Variants in ABL1 observed in about 807,000 individuals in gnomAD.
ABL1 encodes tyrosine-protein kinase ABL1.
In ABL1, 11 loss-of-function variants were observed where a neutral mutation model predicts 94.7. That is an observed-to-expected ratio of 0.12 (90% CI 0.07 to 0.19). The LOEUF is 0.19. Among genes scored for constraint, ABL1 ranks in the 10% least tolerant of loss-of-function variants. The probability of loss-of-function intolerance (pLI) is 1.00; values close to 1 mark genes in which losing one functional copy is unlikely to be tolerated. For missense variants in ABL1, 1,082 were observed against 1,489.4 expected (o/e 0.73, Z 4.50); for synonymous variants, 656 against 622.4 (o/e 1.05, Z -0.80).
At chr9:130,746,794 A>C (rs533860214) in intron 1 of ABL1, among the ~76,000 whole-genome samples, 1 of 151,938 alleles carries the variant, frequency 6.6e-6, no homozygotes, top group Non-Finnish European at 1.5e-5. Flanking sequence ...CTTAGCATAT[A>C]CTCTTCCTCT....
intron 1 of ABL1, among the ~76,000 whole-genome samples, chr9:130,736,977 A>G (rs1831752426): frequency 6.6e-6 from 1 of 152,158 alleles, no homozygotes; most frequent in African/African-American, 2.4e-5. Context: ...GAACTGCCCT[A>G]TTCCAAGCTC....
intron 1 of ABL1, among the ~76,000 whole-genome samples, chr9:130,816,813 C>A (rs1306433728): frequency 6.6e-6 from 1 of 152,222 alleles, no homozygotes; most frequent in East Asian, 1.9e-4. Flanking sequence ...AAGCGATTCT[C>A]CTGCCTCAGC....
chr9:130,868,772 G>A (rs1482730330), intron 4 of ABL1, among the ~76,000 whole-genome samples: 2 of 151,752 alleles, frequency 1.3e-5, no homozygotes, highest in South Asian at 2.1e-4. Context: ...TGCCTGTCTC[G>A]GCCCCCCAGA....
rs188757830 is a variant in ABL1, at chr9:130,761,288, C to A, written c.136+46833C>A. ...GGCCTATTTCCTCCCCTTTTTATGA[C>A]CATTCACAGCCTTTGGCATACCATT... On this transcript the variant is annotated intron_variant, in intron 1 of 10. Transcript: ENST00000372348. Among the ~76,000 whole-genome samples the A allele has an allele frequency of 4.6e-5, 7 of 152,182 alleles. No homozygotes were observed. In the East Asian group the frequency reaches 1.4e-3, roughly 29 times the overall value.
chr9:130,829,511 G>T (rs915550979), intron 1 of ABL1, among the ~76,000 whole-genome samples: 1 of 151,482 alleles, frequency 6.6e-6, no homozygotes, highest in African/African-American at 2.4e-5. Flanking sequence ...CTTGCAGTGG[G>T]CGGAGATCGC....
At position 130,840,410 on chromosome 9, in the gene ABL1, C is replaced by T. The variant is rs146813901; in HGVS notation, c.79+4885C>T. On this transcript the variant is annotated intron_variant, in intron 1 of 10. Coordinates refer to ENST00000318560, the MANE Select transcript of ABL1 (RefSeq NM_005157.6). Reference sequence around the variant, plus strand: ...GAGACAATATTTCCACAGCCTCAAACGTGAAAACTGAAAATCTGGTGCCAC... The same window carrying T: ...GAGACAATATTTCCACAGCCTCAAATGTGAAAACTGAAAATCTGGTGCCAC... Among the ~76,000 whole-genome samples the T allele has an allele frequency of 4.7e-3, 717 of 152,258 alleles. 5 individuals carry two copies. Among genetic ancestry groups the T allele is most frequent in the African/African-American group, 0.017 (687 of 41,550 alleles).
chr9:130,859,887 G>A (rs774980471), intron 3 of ABL1, among the ~76,000 whole-genome samples: 13 of 151,812 alleles, frequency 8.6e-5, no homozygotes, highest in Non-Finnish European at 1.6e-4. Context: ...CACCATGTTG[G>A]CCAGGCTGGT....
At chr9:130,850,799 A>G (rs1011606261) in intron 1 of ABL1, among the ~76,000 whole-genome samples, 5 of 152,092 alleles carry the variant, frequency 3.3e-5, no homozygotes, top group Non-Finnish European at 7.4e-5. Context: ...GAGCCACCGC[A>G]CCCAGCCCCA....
chr9:130,855,092 G>T lies in ABL1; in HGVS notation c.545G>T (p.Gly182Val). The change falls in exon 3 of 11, where the codon GGC becomes GTC. Residue 182 changes from glycine to valine, a missense_variant. Physicochemically the swap from Gly to Val is moderately radical, Grantham distance 109 (BLOSUM62 -3). Around this residue, in one of 7 missense-constraint regions of ABL1, gnomAD observed 22 missense variants for 23.0 expected, o/e 0.96. Transcript: ENST00000318560. The stretch of plus-strand genomic sequence containing the variant: ...TACAGGATCAACACTGCTTCTGATG[G>T]CAAGGTAGGGGACCCTTGGCAGGGG... ...YHYRINTASD[G>V]KLYVSSESRF... The T allele has an allele frequency of 6.2e-7, 1 of 1,612,802 alleles. No homozygotes were observed. Among genetic ancestry groups the T allele is most frequent in the African/African-American group, 1.3e-5 (1 of 75,014 alleles).
intron 1 of ABL1, among the ~76,000 whole-genome samples, chr9:130,842,501 T>C (rs886798522): frequency 3.3e-5 from 5 of 152,178 alleles, no homozygotes; most frequent in African/African-American, 1.2e-4. Context: ...AGACAGGCCG[T>C]GAATACAATT....
At position 130,884,183 on chromosome 9, in the gene ABL1, A is replaced by C. The variant is rs747942583; in HGVS notation, c.1893A>C (p.Arg631Ser). The change falls in exon 11 of 11, where the codon AGA becomes AGC. Residue 631 changes from arginine (R) to serine (S), a missense_variant. Arg to Ser is a moderately radical substitution (Grantham distance 110, BLOSUM62 -1). Transcript: ENST00000318560. The surrounding 1 kb of genome is among the most constrained non-coding windows in gnomAD (Gnocchi z 5.6). ...AGATGGACGGCCAGCCGGAGCGCAG[A>C]GGGGCCGGCGAGGAAGAGGGCCGAG... ...FREMDGQPER[R>S]GAGEEEGRDI... 4 of 1,612,696 alleles carry C rather than the reference A, an allele frequency of 2.5e-6. No individual in the cohort carries two copies. The Admixed American group carries it at 5.0e-5, about 20-fold the overall frequency.
chr9:130,816,945 T>C (rs1183886047), intron 1 of ABL1, among the ~76,000 whole-genome samples: 1 of 151,992 alleles, frequency 6.6e-6, no homozygotes, highest in Non-Finnish European at 1.5e-5. Context: ...CCTCAGGTGA[T>C]TCCCCCCGCC....
At position 130,730,082 on chromosome 9, in the gene ABL1, T is replaced by C. The variant is rs566227128; in HGVS notation, c.136+15627T>C. Among the ~76,000 whole-genome samples the C allele has an allele frequency of 2.6e-3, 320 of 124,824 alleles. 3 individuals carry two copies. Among genetic ancestry groups the C allele is most frequent in the Middle Eastern group, 5.6e-3 (1 of 180 alleles). 81.9% of individuals were successfully genotyped at this position (124,824 alleles called of 152,430 possible). ...TTTTGAGATGGAATTCTGCTCTTGT[T>C]GCCCACGCTGGAGTGCAATGGTGCA... On this transcript the variant is annotated intron_variant, in intron 1 of 10. Transcript: ENST00000372348.
At chr9:130,873,580 G>A (rs1831290839) in intron 6 of ABL1, among the ~76,000 whole-genome samples, 1 of 152,182 alleles carries the variant, frequency 6.6e-6, no homozygotes, top group African/African-American at 2.4e-5. Context: ...ATTCAGGGAT[G>A]TTTCCACAAT....
At chr9:130,859,300 C>T (rs1441666827) in intron 3 of ABL1, among the ~76,000 whole-genome samples, 1 of 152,174 alleles carries the variant, frequency 6.6e-6, no homozygotes, top group African/African-American at 2.4e-5. Flanking sequence ...TCATCGTCTG[C>T]TGAAGTGACA....
Position 130,885,762 on chromosome 9 carries a change from C to T in ABL1, c.*79C>T. 1 of 1,507,934 alleles carries T rather than the reference C, an allele frequency of 6.6e-7. No homozygotes were observed. The highest frequency in any genetic ancestry group is 8.9e-7 in the Non-Finnish European group (1 of 1,126,896). 93.4% of individuals were successfully genotyped at this position (1,507,934 alleles called of 1,614,324 possible). A position where few individuals can be genotyped will look rare whatever the true frequency, so the allele number is the denominator to read the frequency against. Reference sequence around the variant, plus strand: ...GGCTCGCCCATACCCGTGACAGTGGCTGACAAGGGACTAGTGAGTCAGCAC... The same window carrying T: ...GGCTCGCCCATACCCGTGACAGTGGTTGACAAGGGACTAGTGAGTCAGCAC... On this transcript the variant is annotated 3_prime_UTR_variant, in exon 11 of 11. Transcript: ENST00000318560.
intron 1 of ABL1, among the ~76,000 whole-genome samples, chr9:130,732,062 G>A (rs768976105): frequency 1.4e-5 from 2 of 147,346 alleles, no homozygotes; most frequent in Non-Finnish European, 3.0e-5. Flanking sequence ...CTCAGTACTT[G>A]TCCCTTGATA....
At chr9:130,833,533 G>A (rs533342723), upstream of ABL1, among the ~76,000 whole-genome samples, 24 of 152,264 alleles carry the variant, frequency 1.6e-4, no homozygotes, top group South Asian at 6.2e-4. Context: ...CATCCCCTGG[G>A]GGCCCTGTAG....
At chr9:130,822,756 T>C (rs2132879707) in intron 1 of ABL1, among the ~76,000 whole-genome samples, 1 of 152,032 alleles carries the variant, frequency 6.6e-6, no homozygotes, top group East Asian at 1.9e-4. Flanking sequence ...GTTTGTGCAC[T>C]GTCTTATTAT....
Sources: gnomAD v4.1 joint callset for allele counts (sites outside exome capture counted in the v4.1 genomes callset) on GRCh38, gnomAD v4.1.1 for gene constraint, gnomAD v4.1.1 regional missense constraint, Gnocchi (gnomAD v3.1) non-coding constraint, MANE v1.5 for transcripts, NCBI Gene and HGNC (gene_info 2026-07-23, HGNC 2026-07-21) for gene names.